The following PXDN variants were observed in gnomAD, a reference collection of about 807,000 sequenced individuals.
PXDN encodes peroxidasin homolog.
PXDN carries 77 observed loss-of-function variants against 140.3 expected under a neutral mutation model. The observed-to-expected ratio is 0.55, with a 90% CI of 0.46 to 0.66. The LOEUF is 0.66. Ranked by LOEUF, PXDN falls within the 30% of genes least tolerant of loss-of-function variation. The pLI is 0.00. For synonymous variants in PXDN, 911 were observed against 857.4 expected (o/e 1.06, Z -1.09); for missense variants, 1,838 against 2,039.5 (o/e 0.90, Z 1.90).
chr2:1,679,806 GGTGTGTGTGTAAATGGT>G (rs1347542153), intron 7 of PXDN, among the ~76,000 whole-genome samples: 1 of 138,524 alleles, frequency 7.2e-6, no homozygotes, highest in Admixed American at 7.3e-5. Flanking sequence ...GTGTGTAAAT[GGTGTGTGTGTAAATGGT>G]GTGTGTGTGG....
chr2:1,679,553 T>C (rs1383412165), intron 7 of PXDN, among the ~76,000 whole-genome samples: 1 of 139,972 alleles, frequency 7.1e-6, no homozygotes, highest in African/African-American at 2.7e-5. Flanking sequence ...TGTCTATAAA[T>C]GGTGTGTGTG....
At chr2:1,725,346 AATGG>A (rs1235165568) in intron 1 of PXDN, among the ~76,000 whole-genome samples, 5 of 152,160 alleles carry the variant, frequency 3.3e-5, no homozygotes, top group Admixed American at 3.3e-4. Context: ...CTATTTAATA[AATGG>A]TGCTGGGAAA....
intron 1 of PXDN, among the ~76,000 whole-genome samples, chr2:1,740,568 G>A (rs1685520699): frequency 6.6e-6 from 1 of 151,960 alleles, no homozygotes; most frequent in African/African-American, 2.4e-5. Flanking sequence ...AGGCCGGGAG[G>A]TGGGCTGGTC....
chr2:1,657,871 C>T (rs1276624560), intron 14 of PXDN, among the ~76,000 whole-genome samples: 6 of 148,162 alleles, frequency 4.0e-5, no homozygotes, highest in African/African-American at 1.6e-4. Flanking sequence ...AAGGACGTGC[C>T]CCCTCCTGAC....
rs568635027 is a variant in PXDN at position 1,648,613 on chromosome 2, C to T, written c.3167G>A (p.Gly1056Asp). The change falls in exon 17 of 23, where the codon GGC (glycine) becomes GAC (aspartate). Residue 1056 changes from glycine (G) to aspartate (D), a missense_variant. Around this residue, in one of 5 missense-constraint regions of PXDN, gnomAD observed 850 missense variants for 894.1 expected, o/e 0.95. Coordinates refer to ENST00000252804, the MANE Select transcript of PXDN (RefSeq NM_012293.3). This position sits in a 1 kb window ranked among gnomAD's most constrained non-coding sequence, Gnocchi z 8.9. ...TLGEYHGYDPGINAGIFNAFA... is the reference protein window; with the variant it reads ...TLGEYHGYDPDINAGIFNAFA... ...GGCGTTGAAGATGCCAGCATTGATG[C>T]CGGGGTCGTAGCCGTGGTACTCTCC... The T allele has an allele frequency of 6.2e-7, 1 of 1,611,272 alleles. No homozygotes were observed. Among genetic ancestry groups the T allele is most frequent in the African/African-American group, 1.3e-5 (1 of 74,328 alleles).
chr2:1,636,713 A>G (rs1328817109), intron 21 of PXDN: 2 of 148,670 alleles, frequency 1.3e-5, no homozygotes, highest in Admixed American at 1.3e-4. Flanking sequence ...AAAAAAAGGA[A>G]GCCTCAGGAA....
Position 1,663,751 on chromosome 2 carries a change from G to A in PXDN, c.1421C>T (p.Ser474Phe), listed in dbSNP as rs199555155. The change falls in exon 12 of 23, where the codon TCC becomes TTC. Residue 474 changes from serine to phenylalanine, a missense_variant. By Grantham distance (155) the Ser-to-Phe change is radical. This residue lies in a region of PXDN where 537 missense variants were observed against 583.9 expected (regional missense o/e 0.92). Transcript: ENST00000252804. ...IAWTKGGSQL[S>F]VDRRHLVLSS... ...CAGGACCAGGTGCCGCCGGTCCACG[G>A]AGAGCTGGCTCCCTGCAAGGGCATG... 16 of 1,612,742 alleles carry A rather than the reference G, an allele frequency of 9.9e-6. No individual in the cohort carries two copies. Among genetic ancestry groups the A allele is most frequent in the Admixed American group, 1.7e-5 (1 of 60,036 alleles).
rs895373719 is a variant in PXDN, at chr2:1,714,758, T to C, written c.201-21624A>G. On this transcript the variant is annotated intron_variant, in intron 1 of 22. Coordinates refer to ENST00000252804, the MANE Select transcript of PXDN (RefSeq NM_012293.3). This position sits in a 1 kb window ranked among gnomAD's most constrained non-coding sequence, Gnocchi z 4.3. ...ATATTTACTCTTCTTTTGATTTTTT[T>C]CAGACATTTAGAAATGCAAAGTGCA... is the stretch of plus-strand genomic sequence containing the variant. 1.3e-5 allele frequency among the ~76,000 whole-genome samples: 2 copies of C among 152,208 alleles called. No homozygotes were observed. Among genetic ancestry groups the C allele is most frequent in the Non-Finnish European group, 2.9e-5 (2 of 68,036 alleles).
At chr2:1,652,712 C>T (rs1683041988) in intron 16 of PXDN, among the ~76,000 whole-genome samples, 1 of 152,176 alleles carries the variant, frequency 6.6e-6, no homozygotes, top group Non-Finnish European at 1.5e-5. Flanking sequence ...CAAAACCTAA[C>T]AGGACGGGGC....
intron 3 of PXDN, among the ~76,000 whole-genome samples, chr2:1,689,939 T>C (rs1312855022): frequency 6.6e-6 from 1 of 152,206 alleles, no homozygotes; most frequent in East Asian, 1.9e-4. Context: ...TTACTAGAAG[T>C]AATTGGAGTT....
intron 1 of PXDN, among the ~76,000 whole-genome samples, chr2:1,725,011 C>T (rs1240456830): frequency 6.6e-6 from 1 of 152,160 alleles, no homozygotes; most frequent in East Asian, 1.9e-4. Context: ...GATAATGCTC[C>T]ATCCATTTGT....
At chr2:1,690,631 C>A (rs1684163335) in intron 3 of PXDN, among the ~76,000 whole-genome samples, 1 of 112,116 alleles carries the variant, frequency 8.9e-6, no homozygotes, top group African/African-American at 3.7e-5. Context: ...CTGGAACTTG[C>A]ACAACATTCA....
chr2:1,719,873 T>TGTGA lies in PXDN; in HGVS notation c.200+24382_200+24383insTCAC, dbSNP rs1422898252. On this transcript the variant is annotated intron_variant, in intron 1 of 22. Transcript: ENST00000252804. ...GTGTGTGTGTGTGTGTGTGTGTGTG[T>TGTGA]GAAAGAGAGAGAGGGAGGGAGATTC... Among the ~76,000 whole-genome samples, 10 of 107,714 alleles carry TGTGA rather than the reference T, an allele frequency of 9.3e-5. 1 individual carries two copies. Among genetic ancestry groups the TGTGA allele is most frequent in the African/African-American group, 1.9e-4 (6 of 32,328 alleles). The allele number at this position is 107,714 out of a possible 152,430, so 70.7% of individuals were successfully genotyped here.
At chr2:1,666,110 G>C (rs1683428378) in intron 10 of PXDN, 104 bp downstream of exon 10, 4 of 1,446,432 alleles carry the variant, frequency 2.8e-6, no homozygotes, top group Non-Finnish European at 3.8e-6. Flanking sequence ...GAAGTGGACA[G>C]GGCAGAAGAT....
Position 1,648,088 on chromosome 2 carries a change from A to C in PXDN, c.3608+84T>G. 2 of 1,505,436 alleles carry C rather than the reference A, an allele frequency of 1.3e-6. No individual in the cohort carries two copies. The highest frequency in any genetic ancestry group is 1.8e-6 in the Non-Finnish European group (2 of 1,108,382). 93.3% of individuals were successfully genotyped at this position (1,505,436 alleles called of 1,614,324 possible). Reference sequence around the variant, plus strand: ...CACGACACGAACAAAACTCACACACAGAGACAAATAACACACACACCACAG... The same window carrying C: ...CACGACACGAACAAAACTCACACACCGAGACAAATAACACACACACCACAG... On this transcript the variant is annotated intron_variant, in intron 17 of 22. Transcript: ENST00000252804. The surrounding 1 kb of genome is among the most constrained non-coding windows in gnomAD (Gnocchi z 8.9).
rs544242201 is a variant in PXDN at position 1,683,133 on chromosome 2, G to A, written c.560+523C>T. On this transcript the variant is annotated intron_variant, in intron 6 of 22. Transcript: ENST00000252804. ...ATGGTGGCTTATGCCTGTAATCCCA[G>A]CACTTTGGGAGGCTGAGGTGGACAG... is the stretch of plus-strand genomic sequence containing the variant. 7.2e-5 allele frequency among the ~76,000 whole-genome samples: 11 copies of A among 152,004 alleles called. No individual in the cohort carries two copies. The South Asian group carries it at 1.5e-3, about 20-fold the overall frequency.
At chr2:1,655,255 C>G (rs545786601) in intron 14 of PXDN, among the ~76,000 whole-genome samples, 1 of 151,118 alleles carries the variant, frequency 6.6e-6, no homozygotes, top group African/African-American at 2.4e-5. Context: ...GAAACACATA[C>G]GCCACCTACA....
In PXDN at chr2:1,634,321, G is replaced by A. The variant is rs755914541; in HGVS notation, c.4323C>T (p.Asp1441=). 37 of 1,581,084 alleles carry A rather than the reference G, an allele frequency of 2.3e-5. No homozygotes were observed. Among genetic ancestry groups the A allele is most frequent in the South Asian group, 3.5e-5 (3 of 86,216 alleles). Residue 1441 remains aspartate, a splice_region_variant and synonymous_variant, in exon 23 of 23, where the codon GAC becomes GAT. Transcript: ENST00000252804. ...KDACTICECK[D]GQVTCFVEAC... ...CTTCCACGAAGCAGGTGACCTGCCC[G>A]TCCTGGAGAAGAGAGACGGAGCACA...
chr2:1,713,068 TTTAA>T (rs1043347375), intron 1 of PXDN, among the ~76,000 whole-genome samples: 2 of 152,286 alleles, frequency 1.3e-5, no homozygotes, highest in East Asian at 3.9e-4. Context: ...AGAATACTCC[TTTAA>T]TTAAAAGTAA....
Sources: gnomAD v4.1 joint callset for allele counts (sites outside exome capture counted in the v4.1 genomes callset) on GRCh38, gnomAD v4.1.1 for gene constraint, gnomAD v4.1.1 regional missense constraint, Gnocchi (gnomAD v3.1) non-coding constraint, MANE v1.5 for transcripts, NCBI Gene and HGNC (gene_info 2026-07-23, HGNC 2026-07-21) for gene names.